ELSPBP1: variants seen among roughly 807,000 people sequenced by gnomAD.
ELSPBP1 encodes epididymal sperm binding protein 1, also known as epididymal sperm-binding protein 1.
Under a neutral mutation model 33.3 loss-of-function variants are expected in ELSPBP1, and 38 were observed. That is an observed-to-expected ratio of 1.14 (90% CI 0.88 to 1.50). The LOEUF (loss-of-function observed/expected upper bound fraction) is 1.50, where lower values mean the gene tolerates loss of function less well. Among genes scored for constraint, ELSPBP1 ranks in the 40% most tolerant of loss-of-function variants. The pLI is 0.00. For missense variants in ELSPBP1, 267 were observed against 263.5 expected (o/e 1.01, Z -0.09); for synonymous variants, 85 against 94.1 (o/e 0.90, Z 0.56).
Position 48,011,005 on chromosome 19 carries a change from T to A in ELSPBP1, c.70+2268T>A, listed in dbSNP as rs1423983773. On this transcript the variant is annotated intron_variant, in intron 2 of 6. Transcript: ENST00000339841. The surrounding 1 kb of genome is among the most constrained non-coding windows in gnomAD (Gnocchi z 4.5). ...TGAGGCAAAGCATTGATAATGACAA[T>A]AATGACAGTGAAGATGACAATGATA... 2.6e-5 allele frequency among the ~76,000 whole-genome samples: 4 copies of A among 152,032 alleles called. No homozygotes were observed. Among genetic ancestry groups the A allele is most frequent in the East Asian group, 1.9e-4 (1 of 5,190 alleles).
rs1054213821 is a variant in ELSPBP1, at chr19:48,025,093, T to G, written c.*149T>G. 2 of 152,226 alleles carry G rather than the reference T, an allele frequency of 1.3e-5. No homozygotes were observed. The highest frequency in any genetic ancestry group is 2.9e-5 in the Non-Finnish European group (2 of 68,038). 9.4% of individuals were successfully genotyped at this position (152,226 alleles called of 1,614,324 possible). On this transcript the variant is annotated 3_prime_UTR_variant, in exon 7 of 7. Coordinates refer to ENST00000339841, the MANE Select transcript of ELSPBP1 (RefSeq NM_022142.5). ...CACCTGCTTCAATCAGCTGGTCCTT[T>G]GTGAAGAACGTAGAGAGAATGCGGC...
intron 4 of ELSPBP1, among the ~76,000 whole-genome samples, chr19:48,016,544 C>T (rs538934248): frequency 7.4e-6 from 1 of 135,306 alleles, no homozygotes; most frequent in African/African-American, 2.9e-5. Context: ...TCCTTCCTTC[C>T]TTCCTTCCTT....
intron 1 of ELSPBP1, among the ~76,000 whole-genome samples, chr19:47,997,402 T>G (rs1237840971): frequency 2.0e-5 from 3 of 152,202 alleles, no homozygotes; most frequent in African/African-American, 7.2e-5. Context: ...ACATATGATG[T>G]GTGTATATTA....
intron 2 of ELSPBP1, among the ~76,000 whole-genome samples, chr19:48,010,598 T>C (rs1423452731): frequency 6.6e-6 from 1 of 152,100 alleles, no homozygotes; most frequent in Non-Finnish European, 1.5e-5. Flanking sequence ...GTATTATAAG[T>C]GTGAGGAAGA....
intron 1 of ELSPBP1, among the ~76,000 whole-genome samples, chr19:48,000,931 C>T (rs1966961226): frequency 1.3e-5 from 2 of 152,234 alleles, no homozygotes; most frequent in African/African-American, 4.8e-5. Flanking sequence ...TCCCCACACA[C>T]CTAACCGACT....
rs28696048 is a variant in ELSPBP1 at position 48,019,640 on chromosome 19, G to T, written c.356-79G>T. On this transcript the variant is annotated intron_variant, in intron 4 of 6. Coordinates refer to ENST00000339841, the MANE Select transcript of ELSPBP1 (RefSeq NM_022142.5). ...CGTTGCCTTTAATGGGATAAAGCGT[G>T]GCACAGTTTGTGTGTCATAAATGGA... is the stretch of plus-strand genomic sequence containing the variant. 4,426 of 1,415,300 alleles carry T rather than the reference G, an allele frequency of 3.1e-3. 126 individuals carry two copies. The African/African-American group carries it at 0.056, about 18-fold the overall frequency. The allele number at this position is 1,415,300 out of a possible 1,614,324, so 87.7% of individuals were successfully genotyped here.
intron 1 of ELSPBP1, among the ~76,000 whole-genome samples, chr19:48,001,262 C>T (rs1363718321): frequency 1.3e-5 from 2 of 151,846 alleles, no homozygotes; most frequent in East Asian, 3.9e-4. Flanking sequence ...CCTCTAACTC[C>T]CTGGTTCAAG....
intron 4 of ELSPBP1, among the ~76,000 whole-genome samples, chr19:48,018,997 T>C (rs952104721): frequency 7.2e-5 from 11 of 151,814 alleles, no homozygotes; most frequent in Non-Finnish European, 1.3e-4. Flanking sequence ...CTAATAAAAA[T>C]AGAAAAATTA....
intron 5 of ELSPBP1, among the ~76,000 whole-genome samples, chr19:48,021,547 C>A (rs1331737217): frequency 6.6e-6 from 1 of 151,848 alleles, no homozygotes; most frequent in Non-Finnish European, 1.5e-5. Context: ...TCAAGCGATT[C>A]TTCTGCCTCA....
chr19:48,000,484 C>G (rs1431185063), intron 1 of ELSPBP1, among the ~76,000 whole-genome samples: 10 of 152,078 alleles, frequency 6.6e-5, no homozygotes, highest in Non-Finnish European at 1.3e-4. Context: ...TGTGATTCGC[C>G]CTCCTCGGCC....
At chr19:48,002,277 C>T (rs1170209260) in intron 1 of ELSPBP1, among the ~76,000 whole-genome samples, 1 of 152,170 alleles carries the variant, frequency 6.6e-6, no homozygotes, top group East Asian at 1.9e-4. Flanking sequence ...GGCATTATAA[C>T]CTTCTGCCTG....
At position 48,019,816 on chromosome 19, in the gene ELSPBP1, C is replaced by G; in HGVS notation, c.453C>G (p.Leu151=). Residue 151 remains leucine (L), a synonymous_variant, in exon 5 of 7, where the codon CTC becomes CTG. Coordinates refer to ENST00000339841, the MANE Select transcript of ELSPBP1 (RefSeq NM_022142.5). ...SDCMEDESNK[L]WCPTTENMDK... is the part of the protein sequence containing the mutation. ...GCATGGAGGATGAAAGCAACAAGCT[C>G]TGGTGCCCAACCACAGAGAACATGG... 1 of 1,613,276 alleles carries G rather than the reference C, an allele frequency of 6.2e-7. No homozygotes were observed. Among genetic ancestry groups the G allele is most frequent in the South Asian group, 1.1e-5 (1 of 91,056 alleles).
At chr19:48,013,251 G>A (rs1185563066) in intron 2 of ELSPBP1, among the ~76,000 whole-genome samples, 2 of 152,146 alleles carry the variant, frequency 1.3e-5, no homozygotes, top group African/African-American at 2.4e-5. Context: ...TGGTCTCAAG[G>A]AACAACACAC....
At chr19:48,005,068 T>C (rs1191962497) in intron 1 of ELSPBP1, among the ~76,000 whole-genome samples, 1 of 151,860 alleles carries the variant, frequency 6.6e-6, no homozygotes, top group Non-Finnish European at 1.5e-5. Context: ...TAGCTGGGTG[T>C]GGTGATGCGT....
chr19:48,010,226 A>G (rs899346625), intron 2 of ELSPBP1, among the ~76,000 whole-genome samples: 1 of 152,208 alleles, frequency 6.6e-6, no homozygotes, highest in African/African-American at 2.4e-5. Context: ...AGAACTGACA[A>G]ATTCCTGAAA....
intron 5 of ELSPBP1, among the ~76,000 whole-genome samples, chr19:48,021,935 C>T (rs1004170114): frequency 2.6e-5 from 4 of 151,904 alleles, no homozygotes; most frequent in Non-Finnish European, 4.4e-5. Flanking sequence ...TTTGTAGGGA[C>T]GGGGTTTCAC....
chr19:48,002,208 G>T (rs1039595657), intron 1 of ELSPBP1, among the ~76,000 whole-genome samples: 7 of 152,184 alleles, frequency 4.6e-5, no homozygotes, highest in African/African-American at 1.7e-4. Context: ...GGGTCACAAA[G>T]GTAGTAAGAG....
chr19:48,015,949 A>G lies in ELSPBP1; in HGVS notation c.265A>G (p.Ile89Val), dbSNP rs760908220. 5 of 1,613,900 alleles carry G rather than the reference A, an allele frequency of 3.1e-6. No individual in the cohort carries two copies. In the South Asian group the frequency reaches 4.4e-5, roughly 14 times the overall value. Reference protein sequence around the residue: ...IYRGKAYNSCISQGSFLGSLW... With the variant: ...IYRGKAYNSCVSQGSFLGSLW... ...TCGAGGAAAGGCTTATAACAGCTGCATCTCCCAGGGCAGCTTCTTAGGCAG... is the reference window on the plus strand; with the variant it reads ...TCGAGGAAAGGCTTATAACAGCTGCGTCTCCCAGGGCAGCTTCTTAGGCAG... The change falls in exon 4 of 7, where the codon ATC (isoleucine) becomes GTC (valine). Residue 89 changes from isoleucine (I) to valine (V), a missense_variant. By Grantham distance (29) the Ile-to-Val change is conservative (BLOSUM62 3). Transcript: ENST00000339841.
chr19:47,997,763 G>T (rs1156775051), intron 1 of ELSPBP1, among the ~76,000 whole-genome samples: 1 of 152,190 alleles, frequency 6.6e-6, no homozygotes, highest in East Asian at 1.9e-4. Context: ...GGGTATTTAG[G>T]ATATCCATTA....
Sources: allele counts gnomAD v4.1 joint callset (sites outside exome capture counted in the v4.1 genomes callset), GRCh38; gene constraint gnomAD v4.1.1; non-coding constraint Gnocchi (gnomAD v3.1); transcripts MANE v1.5; gene names NCBI Gene and HGNC (gene_info 2026-07-23, HGNC 2026-07-21).